The following TNS1 variants were observed in gnomAD, a reference collection of about 807,000 sequenced individuals.
TNS1 encodes the protein tensin-1.
TNS1 carries 62 observed loss-of-function variants against 168.6 expected under a neutral mutation model. The observed-to-expected ratio is 0.37, with a 90% CI of 0.30 to 0.45. The LOEUF (loss-of-function observed/expected upper bound fraction) is 0.45. Ranked by LOEUF, TNS1 falls within the 20% of genes least tolerant of loss-of-function variation. TNS1 has a pLI of 1.00. For missense variants in TNS1, 2,240 were observed against 2,339.4 expected (o/e 0.96, Z 0.88); for synonymous variants, 934 against 933.2 (o/e 1.00, Z -0.02).
chr2:217,958,715 C>G (rs1957424523), intron 3 of TNS1, among the ~76,000 whole-genome samples: 1 of 152,162 alleles, frequency 6.6e-6, no homozygotes, highest in African/African-American at 2.4e-5. Flanking sequence ...TCTTTGACAC[C>G]CAAGCCTGCA....
At chr2:217,991,379 A>G (rs977393208) in intron 1 of TNS1, among the ~76,000 whole-genome samples, 2 of 151,786 alleles carry the variant, frequency 1.3e-5, no homozygotes, top group Admixed American at 6.6e-5. Flanking sequence ...AGCAGACTGC[A>G]CTCATTTTAA....
At chr2:217,858,534 C>A in intron 18 of TNS1, 1 of 986,030 alleles carries the variant, frequency 1.0e-6, no homozygotes, top group Non-Finnish European at 1.2e-6. Flanking sequence ...GGAGGGAAGC[C>A]CGCTCTGATT....
chr2:217,977,453 G>A (rs116667008), intron 3 of TNS1, among the ~76,000 whole-genome samples: 1,778 of 152,306 alleles, frequency 0.012, 36 homozygotes, highest in African/African-American at 0.04. Context: ...GTGTGTGCTC[G>A]GCTTTAGTAA....
intron 24 of TNS1, among the ~76,000 whole-genome samples, chr2:217,815,567 C>T (rs1491000999): frequency 1.3e-5 from 2 of 152,198 alleles, no homozygotes; most frequent in African/African-American, 4.8e-5. Flanking sequence ...ATCCCCTGCC[C>T]GCCATCTGGG....
Position 217,818,478 on chromosome 2 carries a change from C to T in TNS1, c.3854G>A (p.Arg1285His), listed in dbSNP as rs767473683. ...AGTGTTGGTGCCCACTGTTCTGTGG[C>T]GCGCCTGAGGGCTCCCAGGCACCGT... ...VHTVPGSPQA[R>H]HRTVGTNTPP... The change falls in exon 24 of 33, where the codon CGC (arginine) becomes CAC (histidine). Residue 1285 changes from arginine (R) to histidine (H), a missense_variant. Coordinates refer to ENST00000682258, the MANE Select transcript of TNS1 (RefSeq NM_001387777.1). The T allele has an allele frequency of 9.5e-5, 154 of 1,614,082 alleles. 1 individual carries two copies. Among genetic ancestry groups the T allele is most frequent in the South Asian group, 9.4e-4 (86 of 91,086 alleles).
At chr2:217,865,565 A>AT (rs931342116) in intron 18 of TNS1, among the ~76,000 whole-genome samples, 10 of 152,142 alleles carry the variant, frequency 6.6e-5, no homozygotes, top group Non-Finnish European at 1.3e-4. Flanking sequence ...GCTGCTAACA[A>AT]TTTTTTTAAG....
At chr2:218,021,274 G>A (rs959593923) in intron 1 of TNS1, among the ~76,000 whole-genome samples, 7 of 152,342 alleles carry the variant, frequency 4.6e-5, no homozygotes, top group African/African-American at 1.7e-4. Flanking sequence ...CAGGCCACAG[G>A]CCTGGAAGGA....
At chr2:217,838,304 C>T (rs1158427689) in intron 19 of TNS1, among the ~76,000 whole-genome samples, 3 of 152,236 alleles carry the variant, frequency 2.0e-5, no homozygotes, top group Non-Finnish European at 4.4e-5. Flanking sequence ...TCTGCCCAAC[C>T]TTCCCAAAGC....
At chr2:217,872,326 C>G (rs1224354032) in intron 18 of TNS1, among the ~76,000 whole-genome samples, 1 of 151,976 alleles carries the variant, frequency 6.6e-6, no homozygotes, top group Non-Finnish European at 1.5e-5. Flanking sequence ...GGACCTGTTG[C>G]CAGAATATAA....
rs1937985444 is a variant in TNS1, at chr2:217,804,290, T to TCTCTCTC, written c.*168_*169insGAGAGAG. The TCTCTCTC allele has an allele frequency of 5.9e-6, 3 of 504,730 alleles. No individual in the cohort carries two copies. The highest frequency in any genetic ancestry group is 2.8e-5 in the African/African-American group (1 of 35,472). 31.3% of individuals were successfully genotyped at this position (504,730 alleles called of 1,614,324 possible). Reference sequence around the variant, plus strand: ...TCTCTCTCTCTCTCTCTCTCTCTCTTTTCCCCCTCCCCTCTGCAATTCACT... The same window carrying TCTCTCTC: ...TCTCTCTCTCTCTCTCTCTCTCTCTTCTCTCTCTTCCCCCTCCCCTCTGCAATTCACT... On this transcript the variant is annotated 3_prime_UTR_variant, in exon 33 of 33. Coordinates refer to ENST00000682258, the MANE Select transcript of TNS1 (RefSeq NM_001387777.1).
upstream of TNS1, among the ~76,000 whole-genome samples, chr2:218,006,841 A>G (rs1254130297): frequency 6.6e-6 from 1 of 152,146 alleles, no homozygotes; most frequent in African/African-American, 2.4e-5. Flanking sequence ...AACCACTCTG[A>G]AGGTCCAAGC....
At chr2:217,937,188 TCCC>T in intron 3 of TNS1, 1 of 373,284 alleles carries the variant, frequency 2.7e-6, no homozygotes, top group South Asian at 2.0e-5. Context: ...ACTCCCCTAC[TCCC>T]CTACTCCCCC....
At chr2:218,030,147 T>C (rs1224381518) in intron 1 of TNS1, among the ~76,000 whole-genome samples, 1 of 152,092 alleles carries the variant, frequency 6.6e-6, no homozygotes, top group African/African-American at 2.4e-5. Context: ...TCCCAATCCA[T>C]ATACACACAG....
intron 2 of TNS1, among the ~76,000 whole-genome samples, chr2:217,989,888 G>T (rs1575163706): frequency 6.6e-6 from 1 of 151,802 alleles, no homozygotes; most frequent in Admixed American, 6.6e-5. Context: ...CCTCCACACA[G>T]CTTCTACATA....
At chr2:217,815,123 T>C in intron 24 of TNS1, 125 bp from the exon 25 acceptor site, 1 of 727,812 alleles carries the variant, frequency 1.4e-6, no homozygotes, top group Non-Finnish European at 2.4e-6. Context: ...TTTGCAGATG[T>C]AGACAAATTA....
intron 1 of TNS1, among the ~76,000 whole-genome samples, chr2:218,024,710 G>A (rs929705462): frequency 6.6e-6 from 1 of 152,184 alleles, no homozygotes; most frequent in African/African-American, 2.4e-5. Flanking sequence ...GGGTGAAGCT[G>A]CCCATCCTCC....
intron 21 of TNS1, among the ~76,000 whole-genome samples, chr2:217,832,256 C>T (rs187534986): frequency 5.2e-4 from 79 of 152,334 alleles, no homozygotes; most frequent in African/African-American, 1.7e-3. Flanking sequence ...ACTCCCTATG[C>T]GAAGCCTGGG....
chr2:217,929,178 C>T (rs1045911147), intron 3 of TNS1, among the ~76,000 whole-genome samples: 4 of 152,226 alleles, frequency 2.6e-5, no homozygotes, highest in African/African-American at 9.6e-5. Context: ...GAAGAAGGCA[C>T]GACACCATGG....
Position 217,821,839 on chromosome 2 carries a change from G to A in TNS1, c.3473C>T (p.Ala1158Val). Residue 1158 changes from alanine (A) to valine (V), a missense_variant, in exon 23 of 33, where the codon GCC (alanine) becomes GTC (valine). Physicochemically the swap from Ala to Val is moderately conservative, Grantham distance 64. Coordinates refer to ENST00000682258, the MANE Select transcript of TNS1 (RefSeq NM_001387777.1). Reference protein sequence around the residue: ...PKSFSAPATQAYGHEIPLRNG... With the variant: ...PKSFSAPATQVYGHEIPLRNG... ...CCTCAGGGGTATCTCATGGCCATAG[G>A]CCTGGGTGGCTGGAGCACTAAAGCT... is the stretch of plus-strand genomic sequence containing the variant. The A allele has an allele frequency of 6.3e-7, 1 of 1,583,564 alleles. No homozygotes were observed. Among genetic ancestry groups the A allele is most frequent in the Non-Finnish European group, 8.6e-7 (1 of 1,166,536 alleles).
Sources: allele counts gnomAD v4.1 joint callset (sites outside exome capture counted in the v4.1 genomes callset), GRCh38; gene constraint gnomAD v4.1.1; transcripts MANE v1.5; gene names NCBI Gene and HGNC (gene_info 2026-07-23, HGNC 2026-07-21).